CD79A: variants seen among roughly 807,000 people sequenced by gnomAD.
CD79A encodes the protein CD79a molecule, also known as B-cell antigen receptor complex-associated protein alpha chain.
CD79A carries 16 observed loss-of-function variants against 27.4 expected under a neutral mutation model. The ratio of observed to expected loss-of-function variants is 0.58; its 90% CI spans 0.40 to 0.89. The LOEUF is 0.89. Among genes scored for constraint, CD79A ranks in the 40% least tolerant of loss-of-function variants. The pLI, the probability that CD79A is intolerant of heterozygous loss-of-function variation, is 0.00. For missense variants in CD79A, 237 were observed against 299.7 expected, an observed-to-expected ratio of 0.79 and a Z score of 1.55; for synonymous variants, 110 against 132.7, an observed-to-expected ratio of 0.83 and a Z score of 1.18.
At position 41,881,250 on chromosome 19, in the gene CD79A, A is replaced by C. The variant is rs959408883; in HGVS notation, c.*270A>C. On this transcript the variant is annotated 3_prime_UTR_variant, in exon 5 of 5. Coordinates refer to ENST00000221972, the MANE Select transcript of CD79A (RefSeq NM_001783.4). Reference sequence around the variant, plus strand: ...GCCTTTCCCAGGCTCCCCTCACCCCAGCGGGTAATGAGCCCTTAATCGCTG... The same window carrying C: ...GCCTTTCCCAGGCTCCCCTCACCCCCGCGGGTAATGAGCCCTTAATCGCTG... The C allele has an allele frequency of 6.3e-5, 35 of 559,910 alleles. No homozygotes were observed. Among genetic ancestry groups the C allele is most frequent in the Middle Eastern group, 4.8e-4 (1 of 2,086 alleles). The allele number at this position is 559,910 out of a possible 1,614,324, so 34.7% of individuals were successfully genotyped here. A position where few individuals can be genotyped will look rare whatever the true frequency, so the allele number is the denominator to read the frequency against.
In CD79A at chr19:41,878,818, G is replaced by A. The variant is rs187807368; in HGVS notation, c.80-172G>A. Among the ~76,000 whole-genome samples, 97 of 151,964 alleles carry A rather than the reference G, an allele frequency of 6.4e-4. No individual in the cohort carries two copies. The highest frequency in any genetic ancestry group is 3.0e-3 in the Admixed American group (46 of 15,266). On this transcript the variant is annotated intron_variant, in intron 1 of 4. Transcript: ENST00000221972. The surrounding 1 kb of genome is among the most constrained non-coding windows in gnomAD (Gnocchi z 4.3). ...TTCCCAGGGGCTTCTTCACTTTCCC[G>A]CATCCCCCCTCTCCCCAGGATGTAT...
Position 41,879,674 on chromosome 19 carries a change from G to A in CD79A, c.498+21G>A. On this transcript the variant is annotated intron_variant, in intron 3 of 4. Transcript: ENST00000221972. This position sits in a 1 kb window ranked among gnomAD's most constrained non-coding sequence, Gnocchi z 5.1. ...TCAGGGTGAGCCCCCTCGGACCTCT[G>A]AGTCAGCCGGGCGAGGGCCTGGGCC... 1 of 1,538,692 alleles carries A rather than the reference G, an allele frequency of 6.5e-7. No homozygotes were observed. Among genetic ancestry groups the A allele is most frequent in the Non-Finnish European group, 9.0e-7 (1 of 1,113,906 alleles).
At position 41,879,949 on chromosome 19, in the gene CD79A, C is replaced by T. The variant is rs782808540; in HGVS notation, c.498+296C>T. Among the ~76,000 whole-genome samples the T allele has an allele frequency of 5.9e-5, 9 of 152,134 alleles. No homozygotes were observed. Among genetic ancestry groups the T allele is most frequent in the Admixed American group, 2.0e-4 (3 of 15,270 alleles). ...TAAGAGTGTCCTCACTCCCCTCCTG[C>T]CCTCACCCAGGAGTGTGGTTACCCT... On this transcript the variant is annotated intron_variant, in intron 3 of 4. Transcript: ENST00000221972. The surrounding 1 kb of genome is among the most constrained non-coding windows in gnomAD (Gnocchi z 5.1).
Position 41,879,173 on chromosome 19 carries a change from A to T in CD79A, c.263A>T (p.Asn88Ile). The change falls in exon 2 of 5, where the codon AAT becomes ATT. Residue 88 changes from asparagine to isoleucine, a missense_variant. Physicochemically the swap from Asn to Ile is moderately radical, Grantham distance 149. Transcript: ENST00000221972. The surrounding 1 kb of genome is among the most constrained non-coding windows in gnomAD (Gnocchi z 5.1). ...PEFLGPGEDP[N>I]GTLIIQNVNK... ...TTCTTGGGCCCGGGCGAGGACCCCA[A>T]TGGTACGCTGATCATCCAGAATGTG... 6.2e-7 allele frequency: 1 copy of T among 1,613,930 alleles called. No homozygotes were observed. Among genetic ancestry groups the T allele is most frequent in the Non-Finnish European group, 8.5e-7 (1 of 1,179,980 alleles).
At position 41,879,093 on chromosome 19, in the gene CD79A, C is replaced by T. The variant is rs781792305; in HGVS notation, c.183C>T (p.Asn61=). ...AATGCCCGCACAATAGCAGCAACAA[C>T]GCCAACGTCACCTGGTGGCGCGTCC... ...HFQCPHNSSN[N]ANVTWWRVLH... The change falls in exon 2 of 5, where the codon AAC becomes AAT. Residue 61 remains asparagine, a synonymous_variant. Coordinates refer to ENST00000221972, the MANE Select transcript of CD79A (RefSeq NM_001783.4). The surrounding 1 kb of genome is among the most constrained non-coding windows in gnomAD (Gnocchi z 5.1). The T allele has an allele frequency of 2.7e-5, 44 of 1,613,978 alleles. No homozygotes were observed. Among genetic ancestry groups the T allele is most frequent in the Non-Finnish European group, 3.6e-5 (42 of 1,180,030 alleles).
Position 41,879,068 on chromosome 19 carries a change from A to T in CD79A, c.158A>T (p.Gln53Leu), listed in dbSNP as rs2074205131. 6.2e-7 allele frequency: 1 copy of T among 1,611,596 alleles called. No individual in the cohort carries two copies. The highest frequency in any genetic ancestry group is 8.5e-7 in the Non-Finnish European group (1 of 1,178,916). The change falls in exon 2 of 5, where the codon CAA (glutamine) becomes CTA (leucine). Residue 53 changes from glutamine (Q) to leucine (L), a missense_variant. Coordinates refer to ENST00000221972, the MANE Select transcript of CD79A (RefSeq NM_001783.4). This position sits in a 1 kb window ranked among gnomAD's most constrained non-coding sequence, Gnocchi z 5.1. ...AGCCTGGGGGAAGACGCCCACTTCC[A>T]ATGCCCGCACAATAGCAGCAACAAC... ...MVSLGEDAHF[Q>L]CPHNSSNNAN...
Position 41,880,941 on chromosome 19 carries a change from CA to C in CD79A, c.643del (p.Ser215AlafsTer4). ...TCCAGGGCACCTACCAGGATGTGGGCAGCCTCAACATAGGAGATGTCCAGCT... is the reference window on the plus strand; with the variant it reads ...TCCAGGGCACCTACCAGGATGTGGGCGCCTCAACATAGGAGATGTCCAGCT... ...GLQGTYQDVGSLNIGDVQLEK... is the reference protein window; with the variant it reads ...GLQGTYQDVGXLNIGDVQLEK... On this transcript the variant is annotated frameshift_variant, in exon 5 of 5. Transcript: ENST00000221972. LOFTEE classifies it high-confidence loss of function. 6.3e-7 allele frequency: 1 copy of C among 1,596,322 alleles called. No homozygotes were observed. Among genetic ancestry groups the C allele is most frequent in the Non-Finnish European group, 8.5e-7 (1 of 1,172,510 alleles).
Position 41,879,713 on chromosome 19 carries a change from T to G in CD79A, c.498+60T>G. On this transcript the variant is annotated intron_variant, in intron 3 of 4. Transcript: ENST00000221972. This position sits in a 1 kb window ranked among gnomAD's most constrained non-coding sequence, Gnocchi z 5.1. ...AGGGCCTGGGCCGAGGGACCCCCAA[T>G]ACCCAGGTAGCCCTCTAGAGCCTGA... 8.7e-7 allele frequency: 1 copy of G among 1,145,098 alleles called. No homozygotes were observed. The highest frequency in any genetic ancestry group is 1.3e-6 in the Non-Finnish European group (1 of 764,250). 70.9% of individuals were successfully genotyped at this position (1,145,098 alleles called of 1,614,324 possible). A position where few individuals can be genotyped will look rare whatever the true frequency, so the allele number is the denominator to read the frequency against.
chr19:41,881,028 C>G lies in CD79A; in HGVS notation c.*48C>G, dbSNP rs2074221550. 1 of 1,094,280 alleles carries G rather than the reference C, an allele frequency of 9.1e-7. No individual in the cohort carries two copies. Among genetic ancestry groups the G allele is most frequent in the Admixed American group, 2.0e-5 (1 of 50,442 alleles). 67.8% of individuals were successfully genotyped at this position (1,094,280 alleles called of 1,614,324 possible). ...CCCCCGCCTGCTGTGCACCCAGCTC[C>G]AGTGTCTCAGCTCACTTCCCTGGGA... On this transcript the variant is annotated 3_prime_UTR_variant, in exon 5 of 5. Coordinates refer to ENST00000221972, the MANE Select transcript of CD79A (RefSeq NM_001783.4).
rs12461335 is a variant in CD79A, at chr19:41,879,848, G to C, written c.498+195G>C. On this transcript the variant is annotated intron_variant, in intron 3 of 4. Transcript: ENST00000221972. This position sits in a 1 kb window ranked among gnomAD's most constrained non-coding sequence, Gnocchi z 5.1. ...CTTGAACTGGCGCTGAGCCCAGGGG[G>C]TGTCTTCAATTTAGTTTCCCCTTCT... is the stretch of plus-strand genomic sequence containing the variant. 2.0e-5 allele frequency among the ~76,000 whole-genome samples: 3 copies of C among 151,988 alleles called. No individual in the cohort carries two copies. The highest frequency in any genetic ancestry group is 4.4e-5 in the Non-Finnish European group (3 of 67,958).
At position 41,879,368 on chromosome 19, in the gene CD79A, C is replaced by A; in HGVS notation, c.379+79C>A. ...TTTATCTTTGAAGTGGGGATAGAGCCAGTACCTTCAATGTGGGTTTCAAAC... is the reference window on the plus strand; with the variant it reads ...TTTATCTTTGAAGTGGGGATAGAGCAAGTACCTTCAATGTGGGTTTCAAAC... On this transcript the variant is annotated intron_variant, in intron 2 of 4. Coordinates refer to ENST00000221972, the MANE Select transcript of CD79A (RefSeq NM_001783.4). The surrounding 1 kb of genome is among the most constrained non-coding windows in gnomAD (Gnocchi z 5.1). 8 of 1,407,414 alleles carry A rather than the reference C, an allele frequency of 5.7e-6. No individual in the cohort carries two copies. The highest frequency in any genetic ancestry group is 7.8e-6 in the Non-Finnish European group (8 of 1,019,706). 87.2% of individuals were successfully genotyped at this position (1,407,414 alleles called of 1,614,324 possible).
At chr19:41,880,510 C>T (rs2074217339) in intron 3 of CD79A, among the ~76,000 whole-genome samples, 160 bp from the exon 4 acceptor site, 1 of 142,364 alleles carries the variant, frequency 7.0e-6, no homozygotes, top group Non-Finnish European at 1.5e-5. Context: ...GGAAGGAGAA[C>T]ACTGGTTGTA....
rs1304165465 is a variant in CD79A at position 41,877,925 on chromosome 19, C to T, written c.79+542C>T. Among the ~76,000 whole-genome samples, 1 of 152,154 alleles carries T rather than the reference C, an allele frequency of 6.6e-6. No homozygotes were observed. The highest frequency in any genetic ancestry group is 2.4e-5 in the African/African-American group (1 of 41,416). Reference sequence around the variant, plus strand: ...GAAAAAGGTTCCCCACCCAAGGGGACACTGGGAGCAAGGATTGGAGTTCAC... The same window carrying T: ...GAAAAAGGTTCCCCACCCAAGGGGATACTGGGAGCAAGGATTGGAGTTCAC... On this transcript the variant is annotated intron_variant, in intron 1 of 4. Transcript: ENST00000221972. The surrounding 1 kb of genome is among the most constrained non-coding windows in gnomAD (Gnocchi z 4.1).
chr19:41,880,046 T>C (rs528145801), intron 3 of CD79A, among the ~76,000 whole-genome samples: 1 of 152,142 alleles, frequency 6.6e-6, no homozygotes, highest in Non-Finnish European at 1.5e-5. Context: ...CAGCCTCTCC[T>C]TAGGCACTAC....
At position 41,879,183 on chromosome 19, in the gene CD79A, G is replaced by A. The variant is rs2123304184; in HGVS notation, c.273G>A (p.Leu91=). Reference sequence around the variant, plus strand: ...CGGGCGAGGACCCCAATGGTACGCTGATCATCCAGAATGTGAACAAGAGCC... The same window carrying A: ...CGGGCGAGGACCCCAATGGTACGCTAATCATCCAGAATGTGAACAAGAGCC... The part of the protein sequence containing the change: ...LGPGEDPNGT[L]IIQNVNKSHG... Residue 91 remains leucine, a synonymous_variant, in exon 2 of 5, where the codon CTG becomes CTA. Coordinates refer to ENST00000221972, the MANE Select transcript of CD79A (RefSeq NM_001783.4). The surrounding 1 kb of genome is among the most constrained non-coding windows in gnomAD (Gnocchi z 5.1). 1.2e-6 allele frequency: 2 copies of A among 1,613,966 alleles called. No individual in the cohort carries two copies. The highest frequency in any genetic ancestry group is 1.1e-5 in the South Asian group (1 of 91,086).
chr19:41,879,359 G>A lies in CD79A; in HGVS notation c.379+70G>A. Reference sequence around the variant, plus strand: ...GACACTCGGTTTATCTTTGAAGTGGGGATAGAGCCAGTACCTTCAATGTGG... The same window carrying A: ...GACACTCGGTTTATCTTTGAAGTGGAGATAGAGCCAGTACCTTCAATGTGG... On this transcript the variant is annotated intron_variant, in intron 2 of 4. Transcript: ENST00000221972. This position sits in a 1 kb window ranked among gnomAD's most constrained non-coding sequence, Gnocchi z 5.1. The A allele has an allele frequency of 1.4e-6, 2 of 1,469,228 alleles. No individual in the cohort carries two copies. Among genetic ancestry groups the A allele is most frequent in the Non-Finnish European group, 1.9e-6 (2 of 1,071,860 alleles). The allele number at this position is 1,469,228 out of a possible 1,614,324, so 91.0% of individuals were successfully genotyped here.
rs1200757906 is a variant in CD79A at position 41,881,015 on chromosome 19, G to A, written c.*35G>A. On this transcript the variant is annotated 3_prime_UTR_variant, in exon 5 of 5. Coordinates refer to ENST00000221972, the MANE Select transcript of CD79A (RefSeq NM_001783.4). ...TCCTGCCAGGCTGCCCCCGCCTGCTGTGCACCCAGCTCCAGTGTCTCAGCT... is the reference window on the plus strand; with the variant it reads ...TCCTGCCAGGCTGCCCCCGCCTGCTATGCACCCAGCTCCAGTGTCTCAGCT... The A allele has an allele frequency of 9.6e-6, 12 of 1,251,180 alleles. No individual in the cohort carries two copies. The highest frequency in any genetic ancestry group is 1.4e-5 in the Non-Finnish European group (12 of 880,556). The allele number at this position is 1,251,180 out of a possible 1,614,324, so 77.5% of individuals were successfully genotyped here. A position where few individuals can be genotyped will look rare whatever the true frequency, so the allele number is the denominator to read the frequency against.
Position 41,878,998 on chromosome 19 carries a change from T to A in CD79A, c.88T>A (p.Cys30Ser). The change falls in exon 2 of 5, where the codon TGC becomes AGC. Residue 30 changes from cysteine (C) to serine (S), a missense_variant. By Grantham distance (112) the Cys-to-Ser change is moderately radical. Coordinates refer to ENST00000221972, the MANE Select transcript of CD79A (RefSeq NM_001783.4). The surrounding 1 kb of genome is among the most constrained non-coding windows in gnomAD (Gnocchi z 4.3). ...LLSAVYLGPG[C>S]QALWMHKVPA... ...ACCCTGTCTCTCCACAGGCCCTGGG[T>A]GCCAGGCCCTGTGGATGCACAAGGT... is the stretch of plus-strand genomic sequence containing the variant. The A allele has an allele frequency of 9.7e-7, 1 of 1,034,266 alleles. No homozygotes were observed. The highest frequency in any genetic ancestry group is 1.4e-6 in the Non-Finnish European group (1 of 720,420). The allele number at this position is 1,034,266 out of a possible 1,614,324, so 64.1% of individuals were successfully genotyped here.
intron 3 of CD79A, 46 bp from the exon 4 acceptor site, chr19:41,880,624 C>T: frequency 7.0e-7 from 1 of 1,433,318 alleles, no homozygotes; most frequent in Non-Finnish European, 9.6e-7. Flanking sequence ...GAAAGATATT[C>T]ACCTCCCCCT....
Sources: allele counts gnomAD v4.1 joint callset (sites outside exome capture counted in the v4.1 genomes callset), GRCh38; gene constraint gnomAD v4.1.1; non-coding constraint Gnocchi (gnomAD v3.1); transcripts MANE v1.5; gene names NCBI Gene and HGNC (gene_info 2026-07-23, HGNC 2026-07-21).